Variants in LRRC8C observed in about 807,000 individuals in gnomAD.
LRRC8C encodes volume-regulated anion channel subunit LRRC8C.
LRRC8C carries 20 observed loss-of-function variants against 55.3 expected under a neutral mutation model. That is an observed-to-expected ratio of 0.36 (90% CI 0.25 to 0.53). The LOEUF (loss-of-function observed/expected upper bound fraction) is 0.53. Ranked by LOEUF, LRRC8C falls within the 20% of genes least tolerant of loss-of-function variation. The pLI, the probability that LRRC8C is intolerant of heterozygous loss-of-function variation, is 0.92. For missense variants in LRRC8C, 659 were observed against 951.4 expected (o/e 0.69, Z 4.04); for synonymous variants, 376 against 360.7 (o/e 1.04, Z -0.48).
At position 89,714,092 on chromosome 1, in the gene LRRC8C, C is replaced by A. The variant is rs756312797; in HGVS notation, c.1522C>A (p.Pro508Thr). ...VKFDDMRELP[P>T]WMYGLRNLEE... The stretch of plus-strand genomic sequence containing the variant: ...GTTTGATGACATGAGGGAACTCCCC[C>A]CCTGGATGTATGGGCTCCGAAATCT... Residue 508 changes from proline (P) to threonine (T), a missense_variant, in exon 3 of 3, where the codon CCC becomes ACC. By Grantham distance (38) the Pro-to-Thr change is conservative. Around this residue, in one of 5 missense-constraint regions of LRRC8C, gnomAD observed 344 missense variants for 464.6 expected, o/e 0.74. Coordinates refer to ENST00000370454, the MANE Select transcript of LRRC8C (RefSeq NM_032270.5). This position sits in a 1 kb window ranked among gnomAD's most constrained non-coding sequence, Gnocchi z 4.6. 1 of 1,614,088 alleles carries A rather than the reference C, an allele frequency of 6.2e-7. No individual in the cohort carries two copies. Among genetic ancestry groups the A allele is most frequent in the South Asian group, 1.1e-5 (1 of 91,066 alleles).
intron 2 of LRRC8C, among the ~76,000 whole-genome samples, chr1:89,700,017 T>C (rs1201415603): frequency 6.6e-6 from 1 of 152,222 alleles, no homozygotes; most frequent in Non-Finnish European, 1.5e-5. Context: ...CTCTAGCATC[T>C]TGTATCTTGG....
chr1:89,679,033 T>G (rs1657630087), intron 1 of LRRC8C, among the ~76,000 whole-genome samples: 1 of 152,004 alleles, frequency 6.6e-6, no homozygotes, highest in Non-Finnish European at 1.5e-5. Context: ...TAGTTGGTAT[T>G]GAAACATTGA....
chr1:89,701,150 G>A (rs868139651), intron 2 of LRRC8C, among the ~76,000 whole-genome samples: 1 of 151,958 alleles, frequency 6.6e-6, no homozygotes, highest in Non-Finnish European at 1.5e-5. Flanking sequence ...GGTTCAAGCT[G>A]GAGAAATAAT....
chr1:89,665,167 T>C (rs1657226867), intron 1 of LRRC8C, among the ~76,000 whole-genome samples: 1 of 152,228 alleles, frequency 6.6e-6, no homozygotes, highest in Admixed American at 6.5e-5. Flanking sequence ...CGATACTACG[T>C]TGAATAGGAG....
intron 2 of LRRC8C, among the ~76,000 whole-genome samples, chr1:89,711,922 G>C (rs954916800): frequency 6.6e-6 from 1 of 152,096 alleles, no homozygotes; most frequent in Non-Finnish European, 1.5e-5. Flanking sequence ...TATACATACA[G>C]TCTAGAATAT....
intron 2 of LRRC8C, among the ~76,000 whole-genome samples, chr1:89,709,383 T>C (rs1658580723): frequency 6.6e-6 from 1 of 152,196 alleles, no homozygotes; most frequent in Non-Finnish European, 1.5e-5. Context: ...TAATTAGACA[T>C]TTTTGTGCAA....
chr1:89,647,681 T>G (rs1176739695), intron 1 of LRRC8C, among the ~76,000 whole-genome samples: 2 of 152,210 alleles, frequency 1.3e-5, no homozygotes, highest in Non-Finnish European at 2.9e-5. Flanking sequence ...TTTTTCATTT[T>G]GAGTTACCAG....
chr1:89,639,871 A>G (rs1656407076), intron 1 of LRRC8C, among the ~76,000 whole-genome samples: 2 of 152,238 alleles, frequency 1.3e-5, no homozygotes, highest in African/African-American at 4.8e-5. Context: ...CTTAGAAGTC[A>G]TACTTCTTAA....
intron 1 of LRRC8C, among the ~76,000 whole-genome samples, chr1:89,635,650 G>A (rs1156639580): frequency 6.6e-6 from 1 of 152,138 alleles, no homozygotes; most frequent in African/African-American, 2.4e-5. Flanking sequence ...GTGACTATAT[G>A]AGGAAACAGA....
intron 2 of LRRC8C, among the ~76,000 whole-genome samples, chr1:89,709,838 G>A (rs1570743540): frequency 6.7e-6 from 1 of 148,846 alleles, no homozygotes; most frequent in Non-Finnish European, 1.5e-5. Flanking sequence ...TGCAAGCTCC[G>A]CCTCCCGGGT....
chr1:89,697,498 CA>C (rs1210860612), intron 2 of LRRC8C, among the ~76,000 whole-genome samples: 1 of 152,112 alleles, frequency 6.6e-6, no homozygotes, highest in East Asian at 1.9e-4. Flanking sequence ...GGCATTGCTT[CA>C]AAAAGAGTTT....
chr1:89,674,053 T>C (rs1181643267), intron 1 of LRRC8C, among the ~76,000 whole-genome samples: 2 of 152,244 alleles, frequency 1.3e-5, no homozygotes, highest in Admixed American at 1.3e-4. Flanking sequence ...TGATGACTTT[T>C]CAGGATCTAC....
intron 1 of LRRC8C, among the ~76,000 whole-genome samples, chr1:89,667,638 A>G (rs1167806856): frequency 6.6e-6 from 1 of 152,192 alleles, no homozygotes; most frequent in African/African-American, 2.4e-5. Flanking sequence ...GGAAAATCTA[A>G]GCTGAAGGCA....
intron 1 of LRRC8C, among the ~76,000 whole-genome samples, chr1:89,658,663 T>TA (rs1557651511): frequency 1.3e-5 from 2 of 152,250 alleles, no homozygotes; most frequent in African/African-American, 4.8e-5. Flanking sequence ...ACAATTGATA[T>TA]AAAATTTAAC....
chr1:89,673,845 C>T (rs1657483520), intron 1 of LRRC8C, among the ~76,000 whole-genome samples: 2 of 152,164 alleles, frequency 1.3e-5, no homozygotes, highest in African/African-American at 4.8e-5. Flanking sequence ...CAGGGGGTAT[C>T]CTCAATGAGA....
At chr1:89,658,155 T>C (rs1285824652) in intron 1 of LRRC8C, among the ~76,000 whole-genome samples, 1 of 152,206 alleles carries the variant, frequency 6.6e-6, no homozygotes, top group Non-Finnish European at 1.5e-5. Flanking sequence ...TTGGTTTAAC[T>C]AGCGTTTCTG....
At chr1:89,623,688 C>T in the LRRC8C span, among the ~76,000 whole-genome samples, 1 of 152,060 alleles carries the variant, frequency 6.6e-6, no homozygotes, top group African/African-American at 2.4e-5. Context: ...TGCCACTGCA[C>T]TCCAGCCTGG....
At chr1:89,702,179 A>C (rs1658350108) in intron 2 of LRRC8C, among the ~76,000 whole-genome samples, 1 of 152,010 alleles carries the variant, frequency 6.6e-6, no homozygotes, top group African/African-American at 2.4e-5. Flanking sequence ...CCATGATAAG[A>C]CCTATTGGTG....
intron 1 of LRRC8C, among the ~76,000 whole-genome samples, chr1:89,638,058 A>G (rs1357043865): frequency 6.6e-6 from 1 of 152,190 alleles, no homozygotes; most frequent in East Asian, 1.9e-4. Flanking sequence ...TTTTAAGAAA[A>G]ATGTTAAAGC....
Sources: gnomAD v4.1 joint callset for allele counts (sites outside exome capture counted in the v4.1 genomes callset) on GRCh38, gnomAD v4.1.1 for gene constraint, gnomAD v4.1.1 regional missense constraint, Gnocchi (gnomAD v3.1) non-coding constraint, MANE v1.5 for transcripts, NCBI Gene and HGNC (gene_info 2026-07-23, HGNC 2026-07-21) for gene names.